SNTG1: variants seen among roughly 807,000 people sequenced by gnomAD.
SNTG1 encodes the protein syntrophin gamma 1, also known as gamma-1-syntrophin.
Under a neutral mutation model 74.7 loss-of-function variants are expected in SNTG1, and 39 were observed. The observed-to-expected ratio is 0.52, with a 90% CI of 0.40 to 0.68. The LOEUF (loss-of-function observed/expected upper bound fraction) is 0.68, where lower values mean the gene tolerates loss of function less well. Among genes scored for constraint, SNTG1 ranks in the 30% least tolerant of loss-of-function variants. The probability of loss-of-function intolerance (pLI) is 0.00; values close to 1 mark genes in which losing one functional copy is unlikely to be tolerated. For synonymous variants in SNTG1, 254 were observed against 217.1 expected (o/e 1.17, Z -1.49); for missense variants, 685 against 609.5 (o/e 1.12, Z -1.30).
intron 8 of SNTG1, among the ~76,000 whole-genome samples, chr8:50,491,769 T>C (rs2093856736): frequency 6.6e-6 from 1 of 152,046 alleles, no homozygotes; most frequent in Non-Finnish European, 1.5e-5. Flanking sequence ...GTGTGGAAAG[T>C]GCAGGTTTGT....
intron 2 of SNTG1, among the ~76,000 whole-genome samples, chr8:50,388,684 C>T (rs2092611188): frequency 6.6e-6 from 1 of 152,170 alleles, no homozygotes; most frequent in Non-Finnish European, 1.5e-5. Context: ...AGTCTGGAGG[C>T]AGAATTTCTT....
intron 1 of SNTG1, among the ~76,000 whole-genome samples, chr8:50,093,829 A>T (rs922508576): frequency 2.0e-5 from 3 of 152,150 alleles, no homozygotes; most frequent in African/African-American, 4.8e-5. Context: ...CCATAAAGAG[A>T]CATGGGATAG....
chr8:50,097,732 T>C (rs1477962803), intron 1 of SNTG1, among the ~76,000 whole-genome samples: 1 of 151,770 alleles, frequency 6.6e-6, no homozygotes, highest in Non-Finnish European at 1.5e-5. Context: ...ATGAAGAAAA[T>C]ACAGTTTTGT....
intron 2 of SNTG1, among the ~76,000 whole-genome samples, chr8:50,354,342 A>G (rs2091755846): frequency 6.6e-6 from 1 of 152,220 alleles, no homozygotes; most frequent in African/African-American, 2.4e-5. Flanking sequence ...ATTAGAGTCT[A>G]TCAAAAATCT....
intron 2 of SNTG1, among the ~76,000 whole-genome samples, chr8:50,229,944 C>T (rs912440821): frequency 6.6e-6 from 1 of 151,486 alleles, no homozygotes; most frequent in African/African-American, 2.4e-5. Context: ...GGGACATCCT[C>T]CAATATTTGA....
intron 15 of SNTG1, among the ~76,000 whole-genome samples, chr8:50,676,242 A>G (rs899806496): frequency 6.6e-6 from 1 of 151,860 alleles, no homozygotes; most frequent in African/African-American, 2.4e-5. Context: ...GCTTGTTTCC[A>G]TTCTCCCTGT....
At chr8:50,674,476 A>T (rs1585483133) in intron 15 of SNTG1, among the ~76,000 whole-genome samples, 1 of 151,980 alleles carries the variant, frequency 6.6e-6, no homozygotes, top group South Asian at 2.1e-4. Context: ...TATTTATAGT[A>T]TTCTCTGATG....
At chr8:50,784,470 A>G (rs2095669011) in intron 18 of SNTG1, among the ~76,000 whole-genome samples, 1 of 152,220 alleles carries the variant, frequency 6.6e-6, no homozygotes, top group Non-Finnish European at 1.5e-5. Flanking sequence ...ATGAAAAATG[A>G]ATCAATTTTT....
intron 1 of SNTG1, among the ~76,000 whole-genome samples, chr8:50,021,938 CA>C (rs776073608): frequency 0.059 from 6,997 of 119,584 alleles, 619 homozygotes; most frequent in African/African-American, 0.2. Context: ...GAGACCCTCT[CA>C]AAAAAAAAAT....
intron 8 of SNTG1, among the ~76,000 whole-genome samples, chr8:50,469,313 CTT>C (rs2093633140): frequency 6.6e-6 from 1 of 151,916 alleles, no homozygotes; most frequent in Non-Finnish European, 1.5e-5. Flanking sequence ...TTTTTCTCCT[CTT>C]GTTTTCTTGG....
At chr8:50,264,288 C>T (rs909596415) in intron 2 of SNTG1, among the ~76,000 whole-genome samples, 1 of 152,040 alleles carries the variant, frequency 6.6e-6, no homozygotes, top group Non-Finnish European at 1.5e-5. Context: ...AGAAAATGCA[C>T]TGGGTGCAGT....
chr8:50,687,915 C>G (rs543402192), intron 15 of SNTG1, among the ~76,000 whole-genome samples: 2 of 152,314 alleles, frequency 1.3e-5, no homozygotes, highest in South Asian at 2.1e-4. Context: ...TCTCCAGCAC[C>G]TGTTGTTTCC....
At chr8:50,720,174 AT>A (rs527973552) in intron 17 of SNTG1, among the ~76,000 whole-genome samples, 16 of 152,306 alleles carry the variant, frequency 1.1e-4, no homozygotes, top group African/African-American at 3.8e-4. Flanking sequence ...CTTGCTGTCC[AT>A]TTTAGTCTCA....
At chr8:50,556,060 AT>A (rs1368778652) in intron 12 of SNTG1, among the ~76,000 whole-genome samples, 1 of 152,174 alleles carries the variant, frequency 6.6e-6, no homozygotes, top group Non-Finnish European at 1.5e-5. Context: ...AGTTGCTATA[AT>A]TTTTCTTCCA....
In SNTG1 at chr8:50,130,126, T is replaced by C. The variant is rs369430856; in HGVS notation, c.-102-42435T>C. On this transcript the variant is annotated intron_variant, in intron 1 of 18. Coordinates refer to ENST00000642720, the MANE Select transcript of SNTG1 (RefSeq NM_018967.5). ...TATAAGTTTAAAACTCTGAGGAGAA[T>C]TATTAGATTGTCATAGCCCAAAAAA... Among the ~76,000 whole-genome samples, 141 of 152,304 alleles carry C rather than the reference T, an allele frequency of 9.3e-4. 2 individuals carry two copies. The highest frequency in any genetic ancestry group is 3.3e-3 in the African/African-American group (139 of 41,580).
intron 12 of SNTG1, among the ~76,000 whole-genome samples, chr8:50,557,288 T>G (rs1282035452): frequency 6.6e-6 from 1 of 151,146 alleles, no homozygotes; most frequent in Non-Finnish European, 1.5e-5. Context: ...CATACAGAGA[T>G]TATAGGATAA....
intron 1 of SNTG1, among the ~76,000 whole-genome samples, chr8:50,042,722 A>G (rs542184658): frequency 6.6e-6 from 1 of 151,678 alleles, no homozygotes; most frequent in South Asian, 2.1e-4. Flanking sequence ...ATGCCTGGCT[A>G]ATTGACTTTT....
At chr8:50,458,624 TA>T (rs200726885) in intron 8 of SNTG1, among the ~76,000 whole-genome samples, 2 of 151,250 alleles carry the variant, frequency 1.3e-5, no homozygotes, top group African/African-American at 2.4e-5. Flanking sequence ...CACTACCAAT[TA>T]AAAAAAAATA....
At chr8:50,176,989 G>A (rs1027671712) in intron 2 of SNTG1, among the ~76,000 whole-genome samples, 9 of 152,086 alleles carry the variant, frequency 5.9e-5, no homozygotes, top group South Asian at 2.1e-4. Flanking sequence ...GGACTGTGCC[G>A]TGCAGGTAAA....
Sources: gnomAD v4.1 joint callset for allele counts (sites outside exome capture counted in the v4.1 genomes callset) on GRCh38, gnomAD v4.1.1 for gene constraint, MANE v1.5 for transcripts, NCBI Gene and HGNC (gene_info 2026-07-23, HGNC 2026-07-21) for gene names.